ZNF385C: variants seen among roughly 807,000 people sequenced by gnomAD.
ZNF385C encodes the protein CTD-2132N18.2.
Under a neutral mutation model 35.4 loss-of-function variants are expected in ZNF385C, and 28 were observed. The observed-to-expected ratio is 0.79, with a 90% CI of 0.59 to 1.08. The LOEUF is 1.08. Among genes scored for constraint, ZNF385C ranks in the 50% least tolerant of loss-of-function variants. The pLI, the probability that ZNF385C is intolerant of heterozygous loss-of-function variation, is 0.00. For missense variants in ZNF385C, 605 were observed against 595.6 expected, an observed-to-expected ratio of 1.02 and a Z score of -0.16; for synonymous variants, 248 against 248.2, an observed-to-expected ratio of 1.00 and a Z score of 0.01.
At chr17:42,069,581 G>C (rs1555658641) in intron 1 of ZNF385C, among the ~76,000 whole-genome samples, 1 of 152,238 alleles carries the variant, frequency 6.6e-6, no homozygotes, top group African/African-American at 2.4e-5. Flanking sequence ...AGCATGAAGG[G>C]TTCCCTCCTC....
chr17:42,037,376 G>A (rs1199607855), intron 3 of ZNF385C, among the ~76,000 whole-genome samples: 1 of 99,120 alleles, frequency 1.0e-5, no homozygotes, highest in African/African-American at 4.0e-5. Context: ...AAAGGCACAG[G>A]TTACACACAC....
At chr17:42,037,035 A>G (rs1308937660) in intron 3 of ZNF385C, among the ~76,000 whole-genome samples, 1 of 152,206 alleles carries the variant, frequency 6.6e-6, no homozygotes, top group Non-Finnish European at 1.5e-5. Context: ...GGAAATGTAC[A>G]GACTAGGACA....
At chr17:42,039,870 C>G in intron 2 of ZNF385C, 1 of 1,231,564 alleles carries the variant, frequency 8.1e-7, no homozygotes. Flanking sequence ...ACCGCAGCTC[C>G]CGGCTGCGGC....
At position 42,062,894 on chromosome 17, in the gene ZNF385C, C is replaced by T. The variant is rs1598196944; in HGVS notation, c.163G>A (p.Ala55Thr). ...CCACAGTGCACCTGGGCCTGGGCCG[C>T]CGAGTTCAGCTGGATGTTGCAGACA... ...CDVCNIQLNSAAQAQVHCGGR... is the reference protein window; with the variant it reads ...CDVCNIQLNSTAQAQVHCGGR... The change falls in exon 2 of 9, where the codon GCG (alanine) becomes ACG (threonine). Residue 55 changes from alanine (A) to threonine (T), a missense_variant. Coordinates refer to ENST00000692273, the MANE Select transcript of ZNF385C (RefSeq NM_001392013.1). The T allele has an allele frequency of 1.5e-6, 1 of 681,688 alleles. No individual in the cohort carries two copies. The highest frequency in any genetic ancestry group is 2.7e-6 in the Non-Finnish European group (1 of 374,802). 42.2% of individuals were successfully genotyped at this position (681,688 alleles called of 1,614,324 possible). A position where few individuals can be genotyped will look rare whatever the true frequency, so the allele number is the denominator to read the frequency against.
intron 1 of ZNF385C, among the ~76,000 whole-genome samples, chr17:42,065,772 G>T (rs2053538542): frequency 6.6e-6 from 1 of 152,044 alleles, no homozygotes; most frequent in African/African-American, 2.4e-5. Flanking sequence ...CATGTGGTCT[G>T]CCCGCCTCGG....
At chr17:42,040,370 G>C (rs1184659367) in intron 2 of ZNF385C, 2 of 1,231,944 alleles carry the variant, frequency 1.6e-6, no homozygotes, top group Non-Finnish European at 2.0e-6. Flanking sequence ...GCCAGTTCCT[G>C]CAGGAAGCCC....
In ZNF385C at chr17:42,026,200, A is replaced by G. The variant is rs1219543817; in HGVS notation, c.*697T>C. The G allele has an allele frequency of 2.0e-5, 3 of 152,288 alleles. No homozygotes were observed. The highest frequency in any genetic ancestry group is 7.2e-5 in the African/African-American group (3 of 41,408). The allele number at this position is 152,288 out of a possible 1,614,324, so 9.4% of individuals were successfully genotyped here. On this transcript the variant is annotated 3_prime_UTR_variant, in exon 9 of 9. Coordinates refer to ENST00000692273, the MANE Select transcript of ZNF385C (RefSeq NM_001392013.1). ...GGGCAACAGAATGATACTCTCAGAC[A>G]GAAAAAAAGACTGGGCCCATGAATG...
chr17:42,033,712 C>T (rs2143565390), intron 4 of ZNF385C, among the ~76,000 whole-genome samples: 1 of 152,302 alleles, frequency 6.6e-6, no homozygotes, highest in South Asian at 2.1e-4. Context: ...AAGATTGCGC[C>T]ACTGCACTCC....
chr17:42,048,177 C>T (rs1446676552), intron 2 of ZNF385C, among the ~76,000 whole-genome samples: 2 of 152,094 alleles, frequency 1.3e-5, no homozygotes, highest in Non-Finnish European at 2.9e-5. Flanking sequence ...GCCTGGGCAC[C>T]ACACCACTCC....
chr17:42,037,963 C>T lies in ZNF385C; in HGVS notation c.251-78G>A, dbSNP rs2143613309. On this transcript the variant is annotated intron_variant, in intron 2 of 8. Coordinates refer to ENST00000692273, the MANE Select transcript of ZNF385C (RefSeq NM_001392013.1). ...GCCAGAACAAGAGGCGGGTGGGCTTCTTGGGTGTGGAGCTGGGCAGAAACC... is the reference window on the plus strand; with the variant it reads ...GCCAGAACAAGAGGCGGGTGGGCTTTTTGGGTGTGGAGCTGGGCAGAAACC... 3 of 1,543,260 alleles carry T rather than the reference C, an allele frequency of 1.9e-6. No individual in the cohort carries two copies. The South Asian group carries it at 3.6e-5, about 18-fold the overall frequency.
rs781944221 is a variant in ZNF385C, at chr17:42,067,583, G to A, written c.-2-4525C>T. ...CAGCTGTCTCCTGGAGCCACACCAC[G>A]GGTCCAGGGTATAGCTCTTCCCACA... On this transcript the variant is annotated intron_variant, in intron 1 of 8. Coordinates refer to ENST00000692273, the MANE Select transcript of ZNF385C (RefSeq NM_001392013.1). Among the ~76,000 whole-genome samples the A allele has an allele frequency of 2.6e-5, 4 of 152,270 alleles. No individual in the cohort carries two copies. In the East Asian group the frequency reaches 7.7e-4, roughly 29 times the overall value.
rs782758237 is a variant in ZNF385C, at chr17:42,078,380, A to G, written c.-2-15322T>C. 2.6e-5 allele frequency among the ~76,000 whole-genome samples: 4 copies of G among 151,856 alleles called. No individual in the cohort carries two copies. In the East Asian group the frequency reaches 7.7e-4, roughly 29 times the overall value. On this transcript the variant is annotated intron_variant, in intron 1 of 8. Coordinates refer to ENST00000692273, the MANE Select transcript of ZNF385C (RefSeq NM_001392013.1). ...AGGTAGGAAGCCTAGAATCTCTACC[A>G]TGATCCAGAAACACCTTCTTTCCAT...
At chr17:42,077,636 A>G (rs1158815532) in intron 1 of ZNF385C, among the ~76,000 whole-genome samples, 1 of 152,200 alleles carries the variant, frequency 6.6e-6, no homozygotes, top group Non-Finnish European at 1.5e-5. Context: ...AAAGCCTGTA[A>G]CAAAGGGACT....
At chr17:42,067,705 T>C (rs2053567804) in intron 1 of ZNF385C, among the ~76,000 whole-genome samples, 1 of 151,978 alleles carries the variant, frequency 6.6e-6, no homozygotes, top group Admixed American at 6.6e-5. Flanking sequence ...TAGATGGAGG[T>C]CATCACAGCG....
chr17:42,040,339 C>T, intron 2 of ZNF385C: 2 of 1,231,846 alleles, frequency 1.6e-6, no homozygotes, highest in Non-Finnish European at 2.0e-6. Context: ...GCGTCCGCTG[C>T]TGGCGTCAGG....
intron 3 of ZNF385C, among the ~76,000 whole-genome samples, chr17:42,035,653 G>C (rs528916527): frequency 6.5e-4 from 97 of 149,596 alleles, no homozygotes; most frequent in African/African-American, 2.3e-3. Flanking sequence ...TCAGGTTCAA[G>C]TGATTCTGCT....
chr17:42,062,538 A>G (rs2143844607), intron 2 of ZNF385C: 1 of 341,336 alleles, frequency 2.9e-6, no homozygotes, highest in East Asian at 4.4e-5. Context: ...ATCCCAAAAG[A>G]TCCCACAGGG....
chr17:42,084,772 A>T (rs1555660004), intron 1 of ZNF385C, among the ~76,000 whole-genome samples: 1 of 151,886 alleles, frequency 6.6e-6, no homozygotes, highest in Non-Finnish European at 1.5e-5. Flanking sequence ...CACCATGCCC[A>T]GCTAATTTAA....
chr17:42,064,894 T>C (rs2053525757), intron 1 of ZNF385C, among the ~76,000 whole-genome samples: 2 of 151,702 alleles, frequency 1.3e-5, no homozygotes, highest in Non-Finnish European at 2.9e-5. Context: ...ATCACCCAGG[T>C]TGGAGTGCAG....
Sources: allele counts gnomAD v4.1 joint callset (sites outside exome capture counted in the v4.1 genomes callset), GRCh38; gene constraint gnomAD v4.1.1; transcripts MANE v1.5; gene names NCBI Gene and HGNC (gene_info 2026-07-23, HGNC 2026-07-21).